The following SLTM variants were observed in gnomAD, a reference collection of about 807,000 sequenced individuals.
SLTM encodes SAFB-like transcription modulator.
Under a neutral mutation model 134.6 loss-of-function variants are expected in SLTM, and 43 were observed. That is an observed-to-expected ratio of 0.32 (90% CI 0.25 to 0.41). The LOEUF (loss-of-function observed/expected upper bound fraction) is 0.41, where lower values mean the gene tolerates loss of function less well. Ranked by LOEUF, SLTM falls within the 10% of genes least tolerant of loss-of-function variation. SLTM has a pLI of 1.00. For missense variants in SLTM, 1,055 were observed against 1,288.8 expected, an observed-to-expected ratio of 0.82 and a Z score of 2.78; for synonymous variants, 424 against 432.3, an observed-to-expected ratio of 0.98 and a Z score of 0.24.
At chr15:58,922,957 C>T (rs1044697373) in intron 2 of SLTM, among the ~76,000 whole-genome samples, 1 of 152,044 alleles carries the variant, frequency 6.6e-6, no homozygotes, top group Non-Finnish European at 1.5e-5. Context: ...CTCTAGTGAT[C>T]AGCCCACCTC....
chr15:58,920,627 T>TAATTAATAAATA (rs376177813), intron 2 of SLTM, among the ~76,000 whole-genome samples: 4 of 139,654 alleles, frequency 2.9e-5, no homozygotes, highest in African/African-American at 1.1e-4. Context: ...CATCTCAAAA[T>TAATTAATAAATA]AATAAATAAA....
At chr15:58,897,085 AAGAC>A (rs767429455) in intron 9 of SLTM, 26 bp downstream of exon 9, 5 of 1,294,822 alleles carry the variant, frequency 3.9e-6, no homozygotes, top group Admixed American at 1.7e-5. Flanking sequence ...AGACACCAGA[AAGAC>A]AGATAAAAAG....
intron 14 of SLTM, 88 bp from the exon 15 acceptor site, chr15:58,890,549 T>C (rs941374229): frequency 6.6e-6 from 9 of 1,366,270 alleles, no homozygotes; most frequent in Non-Finnish European, 8.9e-6. Context: ...TTCCTTGAGG[T>C]TGGCAATTTT....
intron 10 of SLTM, 112 bp from the exon 11 acceptor site, chr15:58,894,305 G>A (rs2034901303): frequency 2.8e-6 from 4 of 1,428,002 alleles, no homozygotes; most frequent in Non-Finnish European, 2.9e-6. Context: ...TATAAGGAGA[G>A]TAAAAACTAC....
rs1278783166 is a variant in SLTM at position 58,893,803 on chromosome 15, A to C, written c.1648+18T>G. 6.3e-6 allele frequency: 10 copies of C among 1,588,026 alleles called. No individual in the cohort carries two copies. Among genetic ancestry groups the C allele is most frequent in the Non-Finnish European group, 8.5e-6 (10 of 1,172,966 alleles). On this transcript the variant is annotated intron_variant, in intron 12 of 20. Transcript: ENST00000380516. ...AGTAGAATGCATTAGAAAGGGATTG[A>C]AAAGATGTATAGCATACTTATTCGC...
At chr15:58,918,715 G>A (rs1391404827) in intron 2 of SLTM, among the ~76,000 whole-genome samples, 1 of 152,050 alleles carries the variant, frequency 6.6e-6, no homozygotes, top group Non-Finnish European at 1.5e-5. Flanking sequence ...GTAGATTAAT[G>A]CTTTGCATAT....
intron 5 of SLTM, among the ~76,000 whole-genome samples, chr15:58,903,424 G>A (rs1171360176): frequency 2.6e-5 from 4 of 152,040 alleles, no homozygotes; most frequent in Non-Finnish European, 5.9e-5. Context: ...CACATACAAA[G>A]CCTTAGAGCA....
chr15:58,914,367 C>T (rs750199783), intron 3 of SLTM, among the ~76,000 whole-genome samples: 29 of 152,124 alleles, frequency 1.9e-4, no homozygotes, highest in South Asian at 4.1e-4. Flanking sequence ...CCTGTTCTTA[C>T]GGTAAATCCA....
Position 58,883,723 on chromosome 15 carries a change from C to G in SLTM, c.2899G>C (p.Glu967Gln). Reference protein sequence around the residue: ...HGRDTSGPRKEWHGPPSQGPS... With the variant: ...HGRDTSGPRKQWHGPPSQGPS... ...CCTTGAGAGGGTGGACCATGCCACT[C>G]TTTCCTTGGTCCGCTTGTGTCCCGT... The change falls in exon 20 of 21, where the codon GAG becomes CAG. Residue 967 changes from glutamate (E) to glutamine (Q), a missense_variant. Physicochemically the swap from Glu to Gln is conservative, Grantham distance 29 (BLOSUM62 2). Transcript: ENST00000380516. The G allele has an allele frequency of 1.2e-6, 2 of 1,614,152 alleles. No individual in the cohort carries two copies. Among genetic ancestry groups the G allele is most frequent in the Non-Finnish European group, 1.7e-6 (2 of 1,180,042 alleles).
At position 58,889,261 on chromosome 15, in the gene SLTM, TC is replaced by T. The variant is rs1372457193; in HGVS notation, c.2204+168del. 4.3e-6 allele frequency: 3 copies of T among 696,998 alleles called. No homozygotes were observed. In the Admixed American group the frequency reaches 9.5e-5, roughly 22 times the overall value. The allele number at this position is 696,998 out of a possible 1,614,324, so 43.2% of individuals were successfully genotyped here. A position where few individuals can be genotyped will look rare whatever the true frequency, so the allele number is the denominator to read the frequency against. On this transcript the variant is annotated intron_variant, in intron 16 of 20. Coordinates refer to ENST00000380516, the MANE Select transcript of SLTM (RefSeq NM_024755.4). ...AGACAGGGAAAGAAACACAGACTGTTCCCACTTGCTAGTGCACTGGGTCTAC... is the reference window on the plus strand; with the variant it reads ...AGACAGGGAAAGAAACACAGACTGTTCCACTTGCTAGTGCACTGGGTCTAC...
At position 58,904,220 on chromosome 15, in the gene SLTM, A is replaced by G. The variant is rs146871738; in HGVS notation, c.562-2933T>C. 8.1e-3 allele frequency among the ~76,000 whole-genome samples: 1,232 copies of G among 152,210 alleles called. 49 individuals are homozygous for G. The highest frequency in any genetic ancestry group is 0.038 in the Admixed American group (578 of 15,288). On this transcript the variant is annotated intron_variant, in intron 5 of 20. Coordinates refer to ENST00000380516, the MANE Select transcript of SLTM (RefSeq NM_024755.4). Reference sequence around the variant, plus strand: ...AAGACAGGGTTTCACCATGTTGCCCAGGCTGGTCTCGAACTCCTGAGCCCA... The same window carrying G: ...AAGACAGGGTTTCACCATGTTGCCCGGGCTGGTCTCGAACTCCTGAGCCCA...
At position 58,883,714 on chromosome 15, in the gene SLTM, C is replaced by G. The variant is rs764158835; in HGVS notation, c.2908G>C (p.Gly970Arg). The change falls in exon 20 of 21, where the codon GGT becomes CGT. Residue 970 changes from glycine to arginine, a missense_variant. Around this residue, in one of 3 missense-constraint regions of SLTM, gnomAD observed 776 missense variants for 962.2 expected, o/e 0.81. Transcript: ENST00000380516. ...TAGCTAGGCCCTTGAGAGGGTGGAC[C>G]ATGCCACTCTTTCCTTGGTCCGCTT... ...DTSGPRKEWH[G>R]PPSQGPSYHD... 38 of 1,614,074 alleles carry G rather than the reference C, an allele frequency of 2.4e-5. No homozygotes were observed. The highest frequency in any genetic ancestry group is 3.3e-4 in the Middle Eastern group (2 of 6,060).
rs898791134 is a variant in SLTM at position 58,884,638 on chromosome 15, A to T, written c.2836-852T>A. On this transcript the variant is annotated intron_variant, in intron 19 of 20. Transcript: ENST00000380516. ...GGCCAATTCCTTTTTTTAAAAAATA[A>T]TTTTTTTTTTTGGAGACATGATCAC... Among the ~76,000 whole-genome samples, 4 of 146,674 alleles carry T rather than the reference A, an allele frequency of 2.7e-5. No individual in the cohort carries two copies. In the East Asian group the frequency reaches 6.0e-4, roughly 22 times the overall value.
rs1322250610 is a variant in SLTM at position 58,933,658 on chromosome 15, G to A, written c.-93C>T. On this transcript the variant is annotated 5_prime_UTR_variant, in exon 1 of 21. Coordinates refer to ENST00000380516, the MANE Select transcript of SLTM (RefSeq NM_024755.4). ...CACCCAGGCCTCGGCGGCCGCCGGC[G>A]CCGCGCAGCGCTGCGCACAATGAGC... 2.2e-6 allele frequency: 3 copies of A among 1,362,762 alleles called. No homozygotes were observed. Among genetic ancestry groups the A allele is most frequent in the African/African-American group, 3.1e-5 (2 of 64,884 alleles). The allele number at this position is 1,362,762 out of a possible 1,614,324, so 84.4% of individuals were successfully genotyped here. A position where few individuals can be genotyped will look rare whatever the true frequency, so the allele number is the denominator to read the frequency against.
chr15:58,899,141 T>A lies in SLTM; in HGVS notation c.1059-289A>T. 2.3e-6 allele frequency: 1 copy of A among 436,070 alleles called. No individual in the cohort carries two copies. The highest frequency in any genetic ancestry group is 4.0e-6 in the Non-Finnish European group (1 of 247,848). 27.0% of individuals were successfully genotyped at this position (436,070 alleles called of 1,614,324 possible). A position where few individuals can be genotyped will look rare whatever the true frequency, so the allele number is the denominator to read the frequency against. On this transcript the variant is annotated intron_variant, in intron 7 of 20. Coordinates refer to ENST00000380516, the MANE Select transcript of SLTM (RefSeq NM_024755.4). This position sits in a 1 kb window ranked among gnomAD's most constrained non-coding sequence, Gnocchi z 5.0. ...TGACTTCATTTTGTGTTCTTAGAAC[T>A]GATAGTTGTTCATTAACCATCATCA...
chr15:58,898,735 C>T, intron 8 of SLTM, 68 bp downstream of exon 8: 1 of 1,209,476 alleles, frequency 8.3e-7, no homozygotes, highest in Non-Finnish European at 1.2e-6. Flanking sequence ...AAACACCGCG[C>T]AACTACTACT....
In SLTM at chr15:58,894,709, T is replaced by TG. The variant is rs1480650798; in HGVS notation, c.1228-128_1228-127insC. On this transcript the variant is annotated intron_variant, in intron 9 of 20. Transcript: ENST00000380516. ...GTGTATCTTATTCTGTCTCATGTTT[T>TG]TTTTTTTTTTTTTGAGATGGAGTCA... 9.8e-5 allele frequency: 87 copies of TG among 891,542 alleles called. No individual in the cohort carries two copies. In the African/African-American group the frequency reaches 1.1e-3, roughly 11 times the overall value. 55.2% of individuals were successfully genotyped at this position (891,542 alleles called of 1,614,324 possible). A position where few individuals can be genotyped will look rare whatever the true frequency, so the allele number is the denominator to read the frequency against.
chr15:58,900,035 T>A, intron 6 of SLTM, 98 bp from the exon 7 acceptor site: 2 of 918,832 alleles, frequency 2.2e-6, no homozygotes, highest in Non-Finnish European at 3.2e-6. Context: ...TAAAGCCAGT[T>A]ATTAGCACTG....
Position 58,899,612 on chromosome 15 carries a change from A to G in SLTM, c.915T>C (p.Asp305=). 1 of 1,613,992 alleles carries G rather than the reference A, an allele frequency of 6.2e-7. No homozygotes were observed. The highest frequency in any genetic ancestry group is 1.7e-4 in the Middle Eastern group (1 of 6,060). Residue 305 remains aspartate (D), a synonymous_variant, in exon 7 of 21, where the codon GAT becomes GAC. Coordinates refer to ENST00000380516, the MANE Select transcript of SLTM (RefSeq NM_024755.4). The surrounding 1 kb of genome is among the most constrained non-coding windows in gnomAD (Gnocchi z 5.0). ...KDYEMNANHK[D]GKKEDCVKGD... ...CCTTCACGCAGTCTTCCTTCTTACCATCTTTATGGTTCGCATTCATCTCAT... is the reference window on the plus strand; with the variant it reads ...CCTTCACGCAGTCTTCCTTCTTACCGTCTTTATGGTTCGCATTCATCTCAT...
Sources: gnomAD v4.1 joint callset for allele counts (sites outside exome capture counted in the v4.1 genomes callset) on GRCh38, gnomAD v4.1.1 for gene constraint, gnomAD v4.1.1 regional missense constraint, Gnocchi (gnomAD v3.1) non-coding constraint, MANE v1.5 for transcripts, NCBI Gene and HGNC (gene_info 2026-07-23, HGNC 2026-07-21) for gene names.